Variants in ZNF423 observed in about 807,000 individuals in gnomAD.
ZNF423 encodes the protein Ebf-associated zinc finger protein.
A neutral mutation model predicts 95.8 loss-of-function variants in ZNF423; 12 were observed. The observed-to-expected ratio is 0.13, with a 90% confidence interval of 0.08 to 0.20. ZNF423 has a LOEUF of 0.20. ZNF423 is among the 10% of genes least tolerant of loss of function. The pLI is 1.00. For missense variants in ZNF423, 1,316 were observed against 1,737.1 expected, an observed-to-expected ratio of 0.76 and a Z score of 4.31; for synonymous variants, 749 against 711.9, an observed-to-expected ratio of 1.05 and a Z score of -0.83.
chr16:49,683,255 G>A (rs1034523539), intron 3 of ZNF423, among the ~76,000 whole-genome samples: 2 of 152,192 alleles, frequency 1.3e-5, no homozygotes, highest in Non-Finnish European at 2.9e-5. Context: ...GGAGCCCATT[G>A]TCTCCTGCAG....
chr16:49,654,634 C>G (rs1156693615), intron 3 of ZNF423, among the ~76,000 whole-genome samples: 1 of 152,242 alleles, frequency 6.6e-6, no homozygotes, highest in Admixed American at 6.5e-5. Flanking sequence ...CTCCACTGAT[C>G]TGTGTTCTTC....
intron 3 of ZNF423, among the ~76,000 whole-genome samples, chr16:49,645,905 T>C (rs2151897302): frequency 6.6e-6 from 1 of 152,358 alleles, no homozygotes; most frequent in East Asian, 1.9e-4. Context: ...GACATGTTTG[T>C]TTCCCCTTCC....
At chr16:49,695,434 T>C (rs2031931937) in intron 3 of ZNF423, among the ~76,000 whole-genome samples, 1 of 152,216 alleles carries the variant, frequency 6.6e-6, no homozygotes, top group South Asian at 2.1e-4. Context: ...GCTGGGATTA[T>C]AGGCATGCGC....
chr16:49,531,050 G>T (rs533548817), intron 5 of ZNF423, among the ~76,000 whole-genome samples: 1 of 152,218 alleles, frequency 6.6e-6, no homozygotes, highest in Non-Finnish European at 1.5e-5. Context: ...CACAAGCGCC[G>T]GTTGGCAGCA....
intron 5 of ZNF423, among the ~76,000 whole-genome samples, chr16:49,541,475 T>C (rs1412320942): frequency 6.6e-6 from 1 of 152,246 alleles, no homozygotes; most frequent in Non-Finnish European, 1.5e-5. Context: ...TTGTGTGTGC[T>C]TGTGTGCGCT....
chr16:49,638,850 G>T lies in ZNF423; in HGVS notation c.326C>A (p.Ser109Tyr). The T allele has an allele frequency of 6.2e-7, 1 of 1,610,378 alleles. No homozygotes were observed. The highest frequency in any genetic ancestry group is 1.3e-5 in the African/African-American group (1 of 75,012). The change falls in exon 4 of 8, where the codon TCC becomes TAC. Residue 109 changes from serine to tyrosine, a missense_variant. Ser to Tyr is a moderately radical substitution (Grantham distance 144, BLOSUM62 -2). Transcript: ENST00000563137. The surrounding 1 kb of genome is among the most constrained non-coding windows in gnomAD (Gnocchi z 5.6). ...GCTGGAGGGAGACGAGGCCACCCAG[G>T]AGAGTTGTGGGTCGTCATCACCATC... The part of the protein sequence containing the change: ...PGDGDDDPQL[S>Y]WVASSPSSKD...
intron 2 of ZNF423, among the ~76,000 whole-genome samples, chr16:49,755,606 C>T (rs952728231): frequency 6.6e-6 from 1 of 152,188 alleles, no homozygotes; most frequent in Non-Finnish European, 1.5e-5. Flanking sequence ...TTTATTTACA[C>T]GCTGTTCTGT....
chr16:49,727,122 T>C (rs1305126445), intron 3 of ZNF423, among the ~76,000 whole-genome samples: 1 of 152,182 alleles, frequency 6.6e-6, no homozygotes, highest in Non-Finnish European at 1.5e-5. Flanking sequence ...TGATACCTCA[T>C]GGGTTTAAGG....
At chr16:49,738,651 G>A (rs1171845038) in intron 2 of ZNF423, among the ~76,000 whole-genome samples, 2 of 152,260 alleles carry the variant, frequency 1.3e-5, no homozygotes, top group East Asian at 3.9e-4. Context: ...GAGAAAGGGT[G>A]CAGGGGAGAA....
intron 7 of ZNF423, among the ~76,000 whole-genome samples, chr16:49,515,064 G>A (rs1005054179): frequency 2.0e-5 from 3 of 152,258 alleles, no homozygotes; most frequent in African/African-American, 7.2e-5. Flanking sequence ...TGAACCTGAG[G>A]TCTTAGGAAG....
intron 5 of ZNF423, among the ~76,000 whole-genome samples, chr16:49,551,675 T>C (rs926723951): frequency 1.3e-5 from 2 of 152,074 alleles, no homozygotes; most frequent in Non-Finnish European, 2.9e-5. Context: ...GAGGATTGCT[T>C]AGAAAAGGCC....
chr16:49,543,525 A>G (rs1381035668), intron 5 of ZNF423, among the ~76,000 whole-genome samples: 1 of 152,194 alleles, frequency 6.6e-6, no homozygotes, highest in Non-Finnish European at 1.5e-5. Context: ...AATTTGCATA[A>G]TGATGAAGCC....
chr16:49,844,764 C>T (rs2035225517), intron 1 of ZNF423, among the ~76,000 whole-genome samples: 1 of 152,020 alleles, frequency 6.6e-6, no homozygotes, highest in Non-Finnish European at 1.5e-5. Context: ...TTGGCGAGGC[C>T]CTGTGGCTCA....
intron 5 of ZNF423, among the ~76,000 whole-genome samples, chr16:49,591,755 C>T (rs1202309853): frequency 1.3e-5 from 2 of 152,124 alleles, no homozygotes; most frequent in South Asian, 2.1e-4. Context: ...CACAAGTGTG[C>T]AAAAACAGTA....
At chr16:49,539,240 T>C (rs1969164848) in intron 5 of ZNF423, among the ~76,000 whole-genome samples, 1 of 152,138 alleles carries the variant, frequency 6.6e-6, no homozygotes, top group African/African-American at 2.4e-5. Context: ...AACCCAGACA[T>C]GTGGCTCTGG....
intron 5 of ZNF423, among the ~76,000 whole-genome samples, chr16:49,528,727 C>T (rs972975943): frequency 3.4e-5 from 5 of 149,206 alleles, no homozygotes; most frequent in African/African-American, 9.8e-5. Context: ...GTGTCCATTA[C>T]GTGTATCTCT....
rs1966993292 is a variant in ZNF423, at chr16:49,492,030, G to A, written c.3850-726C>T. On this transcript the variant is annotated intron_variant, in intron 7 of 7. Coordinates refer to ENST00000563137, the MANE Select transcript of ZNF423 (RefSeq NM_001379286.1). The surrounding 1 kb of genome is among the most constrained non-coding windows in gnomAD (Gnocchi z 4.2). ...TCCAGGGCCCAGGTGGGACCCTGTG[G>A]CCAAATGTTTCCCTCTCATTACAGT... Among the ~76,000 whole-genome samples, 1 of 152,328 alleles carries A rather than the reference G, an allele frequency of 6.6e-6. No homozygotes were observed. The highest frequency in any genetic ancestry group is 2.4e-5 in the African/African-American group (1 of 41,576).
intron 5 of ZNF423, among the ~76,000 whole-genome samples, chr16:49,544,249 G>C (rs1411217432): frequency 7.2e-5 from 11 of 152,248 alleles, no homozygotes; most frequent in Non-Finnish European, 2.9e-5. Context: ...GGAGGCAATA[G>C]CAGGAAGGAG....
intron 2 of ZNF423, among the ~76,000 whole-genome samples, chr16:49,736,432 T>C (rs1034478297): frequency 6.6e-6 from 1 of 152,042 alleles, no homozygotes; most frequent in African/African-American, 2.4e-5. Flanking sequence ...ACCCAAGATA[T>C]GGACTTGGGG....
Sources: gnomAD v4.1 joint callset for allele counts (sites outside exome capture counted in the v4.1 genomes callset) on GRCh38, gnomAD v4.1.1 for gene constraint, Gnocchi (gnomAD v3.1) non-coding constraint, MANE v1.5 for transcripts, NCBI Gene and HGNC (gene_info 2026-07-23, HGNC 2026-07-21) for gene names.